EIF5B: variants seen among roughly 807,000 people sequenced by gnomAD.
EIF5B encodes eIF-5B.
Under a neutral mutation model 147.5 loss-of-function variants are expected in EIF5B, and 47 were observed. That is an observed-to-expected ratio of 0.32 (90% confidence interval 0.25 to 0.41). The LOEUF (loss-of-function observed/expected upper bound fraction) is 0.41, where lower values mean the gene tolerates loss of function less well. Ranked by LOEUF, EIF5B falls within the 10% of genes least tolerant of loss-of-function variation. EIF5B has a pLI of 1.00. For synonymous variants in EIF5B, 455 were observed against 456.2 expected (o/e 1.00, Z 0.03); for missense variants, 1,064 against 1,413.2 (o/e 0.75, Z 3.96).
intron 6 of EIF5B, 74 bp downstream of exon 6, chr2:99,364,495 G>C (rs1334940171): frequency 2.5e-5 from 34 of 1,381,658 alleles, no homozygotes; most frequent in Non-Finnish European, 3.3e-5. Flanking sequence ...ATGTTCAGAA[G>C]GAGAATGGAA....
chr2:99,399,654 C>T lies in EIF5B; in HGVS notation c.*240C>T. ...GCCTGTTCACTCACCTCTCCCTTCC[C>T]CAACCCTTCTCTACTTGGCTGCTGT... On this transcript the variant is annotated 3_prime_UTR_variant, in exon 24 of 24. Coordinates refer to ENST00000289371, the MANE Select transcript of EIF5B (RefSeq NM_015904.4). 1 of 428,010 alleles carries T rather than the reference C, an allele frequency of 2.3e-6. No individual in the cohort carries two copies. Among genetic ancestry groups the T allele is most frequent in the South Asian group, 2.7e-5 (1 of 36,562 alleles). The allele number at this position is 428,010 out of a possible 1,614,324, so 26.5% of individuals were successfully genotyped here.
chr2:99,387,358 C>T (rs1411894149), intron 14 of EIF5B, among the ~76,000 whole-genome samples: 1 of 151,938 alleles, frequency 6.6e-6, no homozygotes, highest in African/African-American at 2.4e-5. Flanking sequence ...AGTGTGAGGT[C>T]AGGGTTTACT....
At chr2:99,390,427 G>T (rs902124846) in intron 16 of EIF5B, 26 bp downstream of exon 16, 186 of 1,404,788 alleles carry the variant, frequency 1.3e-4, no homozygotes, top group South Asian at 6.0e-4. Flanking sequence ...TCAGTTTATT[G>T]TTTTTTTTTT....
chr2:99,382,176 A>C lies in EIF5B; in HGVS notation c.2079A>C (p.Val693=). 2 of 1,613,128 alleles carry C rather than the reference A, an allele frequency of 1.2e-6. No homozygotes were observed. Among genetic ancestry groups the C allele is most frequent in the Non-Finnish European group, 1.7e-6 (2 of 1,179,468 alleles). ...KMIKNFDREN[V]RIPGMLIIDT... ...GTTTCTAGTTTGATAGAGAGAATGT[A>C]CGGATTCCAGGAATGCTAATTATTG... The change falls in exon 13 of 24, where the codon GTA becomes GTC. Residue 693 remains valine, a synonymous_variant. Transcript: ENST00000289371.
intron 21 of EIF5B, 111 bp downstream of exon 21, chr2:99,394,994 C>A: frequency 1.0e-6 from 1 of 998,686 alleles, no homozygotes; most frequent in Non-Finnish European, 1.4e-6. Context: ...ACTCATCTAC[C>A]AGAGGCTGCA....
rs141651985 is a variant in EIF5B, at chr2:99,363,199, C to G, written c.920-446C>G. Among the ~76,000 whole-genome samples the G allele has an allele frequency of 1.2e-3, 177 of 152,278 alleles. 2 individuals are homozygous for G. In the East Asian group the frequency reaches 0.032, roughly 28 times the overall value. ...TTGTATTTTATCCTACTAATACCCC[C>G]TAAAGTGGACATCATTCTCATTAAC... On this transcript the variant is annotated intron_variant, in intron 4 of 23. Transcript: ENST00000289371.
chr2:99,337,396 ATG>A lies in EIF5B; in HGVS notation c.-155_-154del, dbSNP rs2094245244. 2.3e-6 allele frequency: 2 copies of A among 881,040 alleles called. No individual in the cohort carries two copies. Among genetic ancestry groups the A allele is most frequent in the Admixed American group, 4.2e-5 (2 of 47,576 alleles). The allele number at this position is 881,040 out of a possible 1,614,324, so 54.6% of individuals were successfully genotyped here. On this transcript the variant is annotated 5_prime_UTR_variant, in exon 1 of 24. It removes the in-frame stop codon of an upstream open reading frame in the 5' UTR. Coordinates refer to ENST00000289371, the MANE Select transcript of EIF5B (RefSeq NM_015904.4). Reference sequence around the variant, plus strand: ...CTTGCGCACTGAGAACTCACACCATATGTGTCCTGTTCCAGTGCGCGGGTCTG... The same window carrying A: ...CTTGCGCACTGAGAACTCACACCATATGTCCTGTTCCAGTGCGCGGGTCTG...
At chr2:99,342,577 T>TC (rs1255867461) in intron 1 of EIF5B, among the ~76,000 whole-genome samples, 1 of 151,940 alleles carries the variant, frequency 6.6e-6, no homozygotes, top group Non-Finnish European at 1.5e-5. Flanking sequence ...TAATCATTCC[T>TC]CCCCCTCCTT....
chr2:99,381,110 AT>A (rs1212148648), intron 12 of EIF5B, among the ~76,000 whole-genome samples: 4 of 152,138 alleles, frequency 2.6e-5, no homozygotes, highest in Non-Finnish European at 5.9e-5. Context: ...GTGAATTTTT[AT>A]TTTAGAACAG....
intron 12 of EIF5B, among the ~76,000 whole-genome samples, chr2:99,380,433 G>A (rs1453641191): frequency 6.6e-6 from 1 of 152,188 alleles, no homozygotes; most frequent in African/African-American, 2.4e-5. Context: ...TTATTGTGCT[G>A]AGATAGTCCC....
At chr2:99,338,860 C>A (rs931795520) in intron 1 of EIF5B, among the ~76,000 whole-genome samples, 9 of 150,772 alleles carry the variant, frequency 6.0e-5, no homozygotes, top group African/African-American at 2.2e-4. Flanking sequence ...TATTAATTAC[C>A]TGCCTTCAAC....
Position 99,361,448 on chromosome 2 carries a change from T to G in EIF5B, c.547T>G (p.Ser183Ala). ...TAAAGAGCGTTCAAGAATAAATTCT[T>G]CTGGTGAAAGTGGTGATGAATCAGA... ...KIKERSRINSSGESGDESDEF... is the reference protein window; with the variant it reads ...KIKERSRINSAGESGDESDEF... The change falls in exon 4 of 24, where the codon TCT (serine) becomes GCT (alanine). Residue 183 changes from serine (S) to alanine (A), a missense_variant. By Grantham distance (99) the Ser-to-Ala change is moderately conservative. Around this residue, in one of 4 missense-constraint regions of EIF5B, gnomAD observed 458 missense variants for 451.3 expected, o/e 1.01. Coordinates refer to ENST00000289371, the MANE Select transcript of EIF5B (RefSeq NM_015904.4). 6.2e-7 allele frequency: 1 copy of G among 1,613,980 alleles called. No homozygotes were observed. The highest frequency in any genetic ancestry group is 8.5e-7 in the Non-Finnish European group (1 of 1,179,992).
intron 14 of EIF5B, among the ~76,000 whole-genome samples, chr2:99,386,469 G>GTTT (rs1491347744): frequency 3.0e-4 from 5 of 16,878 alleles, no homozygotes; most frequent in African/African-American, 2.7e-3. Flanking sequence ...TTTGTTTTGC[G>GTTT]TGTGTGTGTG....
intron 1 of EIF5B, among the ~76,000 whole-genome samples, chr2:99,346,286 T>G (rs2094273250): frequency 2.0e-5 from 3 of 152,232 alleles, no homozygotes; most frequent in African/African-American, 7.2e-5. Context: ...GTATTGCCAA[T>G]AATTTTGTAC....
intron 9 of EIF5B, among the ~76,000 whole-genome samples, chr2:99,372,322 T>A (rs1487192328): frequency 6.6e-6 from 1 of 152,136 alleles, no homozygotes; most frequent in Non-Finnish European, 1.5e-5. Context: ...TGTATTAAGT[T>A]TTACAAGATT....
At chr2:99,350,691 C>T (rs1314916827) in intron 1 of EIF5B, among the ~76,000 whole-genome samples, 1 of 152,106 alleles carries the variant, frequency 6.6e-6, no homozygotes, top group Non-Finnish European at 1.5e-5. Context: ...TGAATATTTT[C>T]TCCCGTTCTA....
intron 1 of EIF5B, 66 bp downstream of exon 1, chr2:99,337,655 G>A: frequency 6.5e-7 from 1 of 1,537,168 alleles, no homozygotes; most frequent in Non-Finnish European, 8.8e-7. Context: ...GGGTCTCGCC[G>A]GGCGCGGCGT....
chr2:99,346,386 T>G (rs2094273410), intron 1 of EIF5B, among the ~76,000 whole-genome samples: 1 of 152,112 alleles, frequency 6.6e-6, no homozygotes, highest in African/African-American at 2.4e-5. Context: ...ACATAAAACT[T>G]TTTGTTAAAA....
chr2:99,374,961 C>T (rs994529006), intron 9 of EIF5B, among the ~76,000 whole-genome samples: 10 of 151,996 alleles, frequency 6.6e-5, no homozygotes, highest in Admixed American at 3.9e-4. Flanking sequence ...TTCTAGGTCA[C>T]TGATTTTCTC....
Sources: gnomAD v4.1 joint callset for allele counts (sites outside exome capture counted in the v4.1 genomes callset) on GRCh38, gnomAD v4.1.1 for gene constraint, gnomAD v4.1.1 regional missense constraint, MANE v1.5 for transcripts, NCBI Gene and HGNC (gene_info 2026-07-23, HGNC 2026-07-21) for gene names.